The following SHOC1 variants were observed in gnomAD, a reference collection of about 807,000 sequenced individuals.
The protein encoded by SHOC1 is shortage in chiasmata 1.
Under a neutral mutation model 179.2 loss-of-function variants are expected in SHOC1, and 136 were observed. That is an observed-to-expected ratio of 0.76 (90% CI 0.66 to 0.87). The LOEUF (loss-of-function observed/expected upper bound fraction) is 0.87, where lower values mean the gene tolerates loss of function less well. Among genes scored for constraint, SHOC1 ranks in the 40% least tolerant of loss-of-function variants. The pLI is 0.00. For missense variants in SHOC1, 1,538 were observed against 1,700.8 expected, an observed-to-expected ratio of 0.90 and a Z score of 1.68; for synonymous variants, 489 against 586.6, an observed-to-expected ratio of 0.83 and a Z score of 2.41.
chr9:111,721,081 T>C (rs1419302788), intron 15 of SHOC1, among the ~76,000 whole-genome samples: 1 of 152,202 alleles, frequency 6.6e-6, no homozygotes, highest in African/African-American at 2.4e-5. Flanking sequence ...AGTTTGATCC[T>C]TGGGGTATTG....
chr9:111,704,309 A>G (rs1304957066), intron 21 of SHOC1, among the ~76,000 whole-genome samples: 2 of 152,178 alleles, frequency 1.3e-5, no homozygotes, highest in East Asian at 1.9e-4. Context: ...TGGGACTAAA[A>G]TATTCTGCAT....
chr9:111,774,690 C>T (rs1345694405), intron 5 of SHOC1, among the ~76,000 whole-genome samples: 3 of 152,084 alleles, frequency 2.0e-5, no homozygotes, highest in African/African-American at 7.2e-5. Flanking sequence ...ATTTCTCTCT[C>T]TCTCTCTCTA....
intron 1 of SHOC1, among the ~76,000 whole-genome samples, chr9:111,791,670 T>C (rs1454775424): frequency 6.6e-6 from 1 of 152,202 alleles, no homozygotes; most frequent in Admixed American, 6.5e-5. Context: ...ATCATATAGC[T>C]GTTAGTTGGT....
rs780525973 is a variant in SHOC1 at position 111,691,823 on chromosome 9, T to C, written c.4154A>G (p.Lys1385Arg). ...QYGAQQTACNKLYSQKGNLFT... is the reference protein window; with the variant it reads ...QYGAQQTACNRLYSQKGNLFT... ...TAAATTACCTTTCTGAGAGTACAAT[T>C]TGTTACATGCAGTCTGCTGTGCACC... Residue 1385 changes from lysine (K) to arginine (R), a missense_variant, in exon 27 of 28, where the codon AAA becomes AGA. By Grantham distance (26) the Lys-to-Arg change is conservative. Coordinates refer to ENST00000682961, the MANE Select transcript of SHOC1 (RefSeq NM_001378211.1). 1.2e-6 allele frequency: 2 copies of C among 1,613,790 alleles called. No individual in the cohort carries two copies. The highest frequency in any genetic ancestry group is 1.7e-6 in the Non-Finnish European group (2 of 1,179,948).
At chr9:111,794,414 T>C (rs1836555551) in intron 1 of SHOC1, among the ~76,000 whole-genome samples, 1 of 151,708 alleles carries the variant, frequency 6.6e-6, no homozygotes. Flanking sequence ...CAAAACCCCG[T>C]CTCTATTAAA....
intron 22 of SHOC1, among the ~76,000 whole-genome samples, chr9:111,703,116 C>T (rs910313170): frequency 6.6e-6 from 1 of 151,960 alleles, no homozygotes; most frequent in African/African-American, 2.4e-5. Context: ...TCTCTAAAAA[C>T]AAACAAACAA....
intron 10 of SHOC1, among the ~76,000 whole-genome samples, chr9:111,743,211 T>C (rs554501569): frequency 1.8e-4 from 27 of 152,250 alleles, no homozygotes; most frequent in Admixed American, 3.9e-4. Context: ...TTGTTATTTT[T>C]CCTTCTTTTT....
intron 11 of SHOC1, among the ~76,000 whole-genome samples, chr9:111,741,087 G>A (rs868726047): frequency 8.5e-4 from 129 of 152,304 alleles, no homozygotes; most frequent in African/African-American, 2.7e-3. Context: ...GTTTTTAAAC[G>A]TCTTTTTTGG....
At chr9:111,753,970 A>C (rs1834731433) in intron 8 of SHOC1, among the ~76,000 whole-genome samples, 1 of 152,186 alleles carries the variant, frequency 6.6e-6, no homozygotes, top group Non-Finnish European at 1.5e-5. Context: ...GACCTAACAT[A>C]CAGTATGGTG....
Position 111,714,499 on chromosome 9 carries a change from T to C in SHOC1, c.2361A>G (p.Ile787Met), listed in dbSNP as rs150154943. The change falls in exon 17 of 28, where the codon ATA becomes ATG. Residue 787 changes from isoleucine to methionine, a missense_variant. By Grantham distance (10) the Ile-to-Met change is conservative. Coordinates refer to ENST00000682961, the MANE Select transcript of SHOC1 (RefSeq NM_001378211.1). ...TTAGTATCTGACATTGCAATTCTTG[T>C]ATCTTGTAGTTGGTTTCAGGCTTTT... is the stretch of plus-strand genomic sequence containing the variant. ...RGKKPETNYK[I>M]QELQCQILSW... 153 of 1,614,030 alleles carry C rather than the reference T, an allele frequency of 9.5e-5. No homozygotes were observed. The African/African-American group carries it at 1.8e-3, about 19-fold the overall frequency.
chr9:111,706,799 G>T, intron 19 of SHOC1, 53 bp from the exon 20 acceptor site: 3 of 1,227,006 alleles, frequency 2.4e-6, no homozygotes, highest in Non-Finnish European at 2.2e-6. Flanking sequence ...TTATTATTTT[G>T]TTGAACTATT....
intron 15 of SHOC1, among the ~76,000 whole-genome samples, chr9:111,720,468 A>C (rs996240455): frequency 6.6e-6 from 1 of 151,916 alleles, no homozygotes; most frequent in Non-Finnish European, 1.5e-5. Context: ...GTTCATTGAG[A>C]TTTTTGCATC....
chr9:111,704,324 C>T (rs537117240), intron 21 of SHOC1, among the ~76,000 whole-genome samples: 1 of 152,198 alleles, frequency 6.6e-6, no homozygotes, highest in South Asian at 2.1e-4. Context: ...CTGCATTTAT[C>T]AGAATTTCCT....
intron 12 of SHOC1, among the ~76,000 whole-genome samples, chr9:111,737,214 T>C (rs977110499): frequency 1.3e-5 from 2 of 152,204 alleles, no homozygotes; most frequent in African/African-American, 4.8e-5. Context: ...ACTGGGTATA[T>C]GTTAAAAAAA....
chr9:111,759,304 G>A, intron 5 of SHOC1: 1 of 1,600,584 alleles, frequency 6.2e-7, no homozygotes. Context: ...GAATGGAGAT[G>A]GTCTACAGTG....
In SHOC1 at chr9:111,692,188, A is replaced by G; in HGVS notation, c.3789T>C (p.Asn1263=). ...SYWKDSSCKS[N]IGQNTPFLIN... ...TTAGAAAAGGAGTATTCTGCCCTAT[A>G]TTAGATTTACAGCTGGAGTCTTTCC... The change falls in exon 27 of 28, where the codon AAT becomes AAC. Residue 1263 remains asparagine, a synonymous_variant. Transcript: ENST00000682961. 1 of 1,613,780 alleles carries G rather than the reference A, an allele frequency of 6.2e-7. No homozygotes were observed. Among genetic ancestry groups the G allele is most frequent in the Non-Finnish European group, 8.5e-7 (1 of 1,179,768 alleles).
intron 18 of SHOC1, among the ~76,000 whole-genome samples, chr9:111,710,420 T>C (rs1006653159): frequency 1.3e-5 from 2 of 152,190 alleles, no homozygotes; most frequent in African/African-American, 4.8e-5. Flanking sequence ...TGTGGCTATA[T>C]TTGTATATTT....
rs1831159807 is a variant in SHOC1 at position 111,686,343 on chromosome 9, T to G, written c.*427A>C. On this transcript the variant is annotated 3_prime_UTR_variant, in exon 28 of 28. Coordinates refer to ENST00000682961, the MANE Select transcript of SHOC1 (RefSeq NM_001378211.1). ...TTATCTGGGTTGCAAATATTTCCTCTTAGTAATTTGTTCTTAAATTGTGTT... is the reference window on the plus strand; with the variant it reads ...TTATCTGGGTTGCAAATATTTCCTCGTAGTAATTTGTTCTTAAATTGTGTT... 6.6e-6 allele frequency: 1 copy of G among 152,356 alleles called. No homozygotes were observed. Among genetic ancestry groups the G allele is most frequent in the African/African-American group, 2.4e-5 (1 of 41,480 alleles). 9.4% of individuals were successfully genotyped at this position (152,356 alleles called of 1,614,324 possible).
At chr9:111,721,483 G>A (rs1387328409) in intron 15 of SHOC1, among the ~76,000 whole-genome samples, 3 of 152,132 alleles carry the variant, frequency 2.0e-5, no homozygotes, top group Admixed American at 6.5e-5. Flanking sequence ...AGGATTACAG[G>A]TGCCCGCCAC....
Sources: gnomAD v4.1 joint callset for allele counts (sites outside exome capture counted in the v4.1 genomes callset) on GRCh38, gnomAD v4.1.1 for gene constraint, MANE v1.5 for transcripts, NCBI Gene and HGNC (gene_info 2026-07-23, HGNC 2026-07-21) for gene names.